NPRL3: variants seen among roughly 807,000 people sequenced by gnomAD.
NPRL3 encodes NPR3 like, GATOR1 complex subunit, also known as GATOR1 complex protein NPRL3.
NPRL3 carries 23 observed loss-of-function variants against 57.2 expected under a neutral mutation model. The ratio of observed to expected loss-of-function variants is 0.40; its 90% CI spans 0.29 to 0.57. The LOEUF is 0.57. Ranked by LOEUF, NPRL3 falls within the 20% of genes least tolerant of loss-of-function variation. The pLI, the probability that NPRL3 is intolerant of heterozygous loss-of-function variation, is 0.42. For missense variants in NPRL3, 691 were observed against 767.1 expected (o/e 0.90, Z 1.17); for synonymous variants, 333 against 321.1 (o/e 1.04, Z -0.39).
chr16:86,551 C>G lies in NPRL3; in HGVS notation c.*154G>C, dbSNP rs1416997647. The G allele has an allele frequency of 1.4e-6, 1 of 718,272 alleles. No homozygotes were observed. The highest frequency in any genetic ancestry group is 2.3e-6 in the Non-Finnish European group (1 of 444,138). 44.5% of individuals were successfully genotyped at this position (718,272 alleles called of 1,614,324 possible). ...CACCAGGGGCAAGGACAGCGGGGCT[C>G]TGCAGGCTTCACTGGGCCACGGCCA... On this transcript the variant is annotated 3_prime_UTR_variant, in exon 14 of 14. Coordinates refer to ENST00000611875, the MANE Select transcript of NPRL3 (RefSeq NM_001077350.3).
Position 98,482 on chromosome 16 carries a change from C to A in NPRL3, c.768-181G>T, listed in dbSNP as rs149735811. 3.0e-4 allele frequency among the ~76,000 whole-genome samples: 45 copies of A among 152,066 alleles called. No individual in the cohort carries two copies. In the East Asian group the frequency reaches 8.3e-3, roughly 28 times the overall value. The stretch of plus-strand genomic sequence containing the variant: ...CACGGAACATACGAAGTGCAGGGAA[C>A]CCTGCACCAGGTATGCACCAGGTCC... On this transcript the variant is annotated intron_variant, in intron 8 of 13. Coordinates refer to ENST00000611875, the MANE Select transcript of NPRL3 (RefSeq NM_001077350.3).
At chr16:112,968 T>C (rs1406143121) in intron 5 of NPRL3, among the ~76,000 whole-genome samples, 193 bp from the exon 6 acceptor site, 2 of 152,194 alleles carry the variant, frequency 1.3e-5, no homozygotes, top group Admixed American at 6.5e-5. Context: ...GGCCCATCCA[T>C]AGACATGTGG....
At position 93,564 on chromosome 16, in the gene NPRL3, GTTTT is replaced by G. The variant is rs34541011; in HGVS notation, c.925-243_925-240del. Among the ~76,000 whole-genome samples, 1,154 of 135,450 alleles carry G rather than the reference GTTTT, an allele frequency of 8.5e-3. 7 individuals carry two copies. Among genetic ancestry groups the G allele is most frequent in the African/African-American group, 0.016 (579 of 36,170 alleles). 88.9% of individuals were successfully genotyped at this position (135,450 alleles called of 152,430 possible). A position where few individuals can be genotyped will look rare whatever the true frequency, so the allele number is the denominator to read the frequency against. The stretch of plus-strand genomic sequence containing the variant: ...CACACAGCACTTTCTGTGAGCAATG[GTTTT>G]TTTTTTTTTTTTTTTGGAGACAGTC... On this transcript the variant is annotated intron_variant, in intron 9 of 13. Coordinates refer to ENST00000611875, the MANE Select transcript of NPRL3 (RefSeq NM_001077350.3).
chr16:125,847 TC>T (rs1334725890), intron 3 of NPRL3: 1 of 152,112 alleles, frequency 6.6e-6, no homozygotes, highest in Non-Finnish European at 1.5e-5. Flanking sequence ...AGTGTAGGGC[TC>T]TAAAAACACA....
At chr16:92,748 G>A (rs757524017) in intron 10 of NPRL3, 23 bp from the exon 11 acceptor site, 1 of 1,611,794 alleles carries the variant, frequency 6.2e-7, no homozygotes, top group Admixed American at 1.7e-5. Context: ...GAGCATGCCA[G>A]TGAGTGCAGC....
At chr16:125,346 T>A (rs1003302131) in intron 3 of NPRL3, among the ~76,000 whole-genome samples, 1 of 152,212 alleles carries the variant, frequency 6.6e-6, no homozygotes, top group African/African-American at 2.4e-5. Context: ...GAAGCCTGAC[T>A]GTAAGCTCTG....
intron 7 of NPRL3, among the ~76,000 whole-genome samples, chr16:108,166 A>G (rs528750253): frequency 2.0e-5 from 3 of 152,326 alleles, no homozygotes; most frequent in African/African-American, 4.8e-5. Context: ...GTTGCAACTT[A>G]TATCACAAAA....
intron 5 of NPRL3, among the ~76,000 whole-genome samples, chr16:116,896 G>C (rs768727543): frequency 1.3e-5 from 2 of 151,206 alleles, no homozygotes; most frequent in Non-Finnish European, 2.9e-5. Flanking sequence ...ACTCACTTGA[G>C]CTTGGGAGGC....
intron 3 of NPRL3, among the ~76,000 whole-genome samples, chr16:119,895 A>G (rs1900212161): frequency 6.6e-6 from 1 of 152,238 alleles, no homozygotes; most frequent in South Asian, 2.1e-4. Context: ...CAAATGGCAG[A>G]AATACCAGGT....
At chr16:120,757 T>C (rs1341908943) in intron 3 of NPRL3, among the ~76,000 whole-genome samples, 1 of 152,116 alleles carries the variant, frequency 6.6e-6, no homozygotes, top group Non-Finnish European at 1.5e-5. Context: ...CCACTGCAGG[T>C]CTCTCCTGCA....
intron 5 of NPRL3, among the ~76,000 whole-genome samples, chr16:115,853 A>G (rs1002934806): frequency 6.6e-6 from 1 of 151,842 alleles, no homozygotes; most frequent in Non-Finnish European, 1.5e-5. Context: ...TCCATTTCTC[A>G]CCCTTGATGG....
At chr16:132,450 C>T (rs766137838) in intron 2 of NPRL3, among the ~76,000 whole-genome samples, 3 of 152,242 alleles carry the variant, frequency 2.0e-5, no homozygotes, top group Non-Finnish European at 4.4e-5. Flanking sequence ...TCTGCAGTTA[C>T]TTCCTCCACT....
At chr16:121,092 A>G (rs1900260555) in intron 3 of NPRL3, among the ~76,000 whole-genome samples, 2 of 152,176 alleles carry the variant, frequency 1.3e-5, no homozygotes, top group Admixed American at 1.3e-4. Context: ...CTGCTCTGTC[A>G]TAAAGAGTCA....
rs759846994 is a variant in NPRL3 at position 86,521 on chromosome 16, G to A, written c.*184C>T. Reference sequence around the variant, plus strand: ...ACACAGAGGGCAGCAGCCCCACAGCGGAACCACCAGGGGCAAGGACAGCGG... The same window carrying A: ...ACACAGAGGGCAGCAGCCCCACAGCAGAACCACCAGGGGCAAGGACAGCGG... On this transcript the variant is annotated 3_prime_UTR_variant, in exon 14 of 14. Transcript: ENST00000611875. 22 of 611,390 alleles carry A rather than the reference G, an allele frequency of 3.6e-5. No individual in the cohort carries two copies. Among genetic ancestry groups the A allele is most frequent in the Non-Finnish European group, 4.8e-5 (17 of 352,396 alleles). The allele number at this position is 611,390 out of a possible 1,614,324, so 37.9% of individuals were successfully genotyped here.
rs370196395 is a variant in NPRL3, at chr16:119,150, T to C, written c.294A>G (p.Thr98=). The C allele has an allele frequency of 1.2e-6, 2 of 1,613,672 alleles. No individual in the cohort carries two copies. The highest frequency in any genetic ancestry group is 2.2e-5 in the East Asian group (1 of 44,880). The change falls in exon 4 of 14, where the codon ACA becomes ACG. Residue 98 remains threonine (T), a synonymous_variant. Coordinates refer to ENST00000611875, the MANE Select transcript of NPRL3 (RefSeq NM_001077350.3). ...CCTGCCCCAGAGCATGCTGTAGCAG[T>C]GTTGGGTGCCCAACAAATCGCACAT... ...IDNVRFVGHP[T]LLQHALGQIS...
At chr16:92,868 A>T in intron 10 of NPRL3, 143 bp from the exon 11 acceptor site, 5 of 1,048,866 alleles carry the variant, frequency 4.8e-6, no homozygotes, top group Non-Finnish European at 6.9e-6. Flanking sequence ...GAGGCCAGGC[A>T]GGCCTCCAGG....
At chr16:104,254 T>C (rs555500285) in intron 7 of NPRL3, among the ~76,000 whole-genome samples, 18 of 152,050 alleles carry the variant, frequency 1.2e-4, no homozygotes, top group Middle Eastern at 3.4e-3. Context: ...GATCGCGCCA[T>C]TGCACTCCAG....
chr16:98,415 A>C lies in NPRL3; in HGVS notation c.768-114T>G. ...GTATGCACCAGGTCCTGCACCAGGT[A>C]TGCACCGGGTATGCACCAGGTATGC... On this transcript the variant is annotated intron_variant, in intron 8 of 13. Coordinates refer to ENST00000611875, the MANE Select transcript of NPRL3 (RefSeq NM_001077350.3). 3 of 1,161,616 alleles carry C rather than the reference A, an allele frequency of 2.6e-6. No individual in the cohort carries two copies. In the South Asian group the frequency reaches 4.6e-5, roughly 18 times the overall value. The allele number at this position is 1,161,616 out of a possible 1,614,324, so 72.0% of individuals were successfully genotyped here.
rs553136196 is a variant in NPRL3 at position 138,608 on chromosome 16, G to T, written c.-68+34C>A. On this transcript the variant is annotated intron_variant, in intron 1 of 13. Transcript: ENST00000611875. ...AGGGGGCCTGAGGAGGACAGGGGTG[G>T]TGGTGGACGCGGAGCAGCGCCACAG... is the stretch of plus-strand genomic sequence containing the variant. 4.1e-5 allele frequency: 3 copies of T among 72,466 alleles called. 1 individual carries two copies. The African/African-American group carries it at 1.5e-3, about 36-fold the overall frequency. 4.5% of individuals were successfully genotyped at this position (72,466 alleles called of 1,614,324 possible).
Sources: gnomAD v4.1 joint callset for allele counts (sites outside exome capture counted in the v4.1 genomes callset) on GRCh38, gnomAD v4.1.1 for gene constraint, MANE v1.5 for transcripts, NCBI Gene and HGNC (gene_info 2026-07-23, HGNC 2026-07-21) for gene names.